Variants in TRIO observed in about 807,000 individuals in gnomAD.
The protein encoded by TRIO is triple functional domain protein.
In TRIO, 58 loss-of-function variants were observed where a neutral mutation model predicts 351.9. That is an observed-to-expected ratio of 0.16 (90% CI 0.13 to 0.21). TRIO has a LOEUF of 0.21. Ranked by LOEUF, TRIO falls within the 10% of genes least tolerant of loss-of-function variation. The pLI is 1.00. For synonymous variants in TRIO, 1,758 were observed against 1,595.7 expected (o/e 1.10, Z -2.42); for missense variants, 3,201 against 4,027.8 (o/e 0.79, Z 5.56).
intron 11 of TRIO, among the ~76,000 whole-genome samples, chr5:14,354,149 C>G (rs1276547281): frequency 1.3e-5 from 2 of 152,182 alleles, no homozygotes; most frequent in Admixed American, 1.3e-4. Context: ...GGGCCTGACC[C>G]CTACTGTCTG....
chr5:14,487,427 G>T (rs1756007893), intron 47 of TRIO, 37 bp from the exon 48 acceptor site: 2 of 1,097,246 alleles, frequency 1.8e-6, no homozygotes, highest in Non-Finnish European at 2.3e-6. Flanking sequence ...GCTCCTTGGC[G>T]CCCTGACCCA....
intron 1 of TRIO, among the ~76,000 whole-genome samples, chr5:14,241,896 C>G (rs531567256): frequency 1.3e-5 from 2 of 152,142 alleles, no homozygotes; most frequent in East Asian, 1.9e-4. Context: ...TGTAGCAGTT[C>G]AATACACTTG....
rs116679073 is a variant in TRIO at position 14,252,197 on chromosome 5, T to C, written c.158-18628T>C. Among the ~76,000 whole-genome samples, 1,305 of 152,350 alleles carry C rather than the reference T, an allele frequency of 8.6e-3. 14 individuals are homozygous for C. Among genetic ancestry groups the C allele is most frequent in the African/African-American group, 0.03 (1,228 of 41,572 alleles). ...AAGACTCTTTGCAGAGACTTCAGTA[T>C]GTCAAGGCCTTTGCTTTACGTGCCA... On this transcript the variant is annotated intron_variant, in intron 1 of 56. Transcript: ENST00000344204.
intron 33 of TRIO, among the ~76,000 whole-genome samples, chr5:14,408,447 T>A (rs1748908548): frequency 1.3e-5 from 2 of 152,164 alleles, no homozygotes; most frequent in Non-Finnish European, 2.9e-5. Flanking sequence ...TTCAAGGCCC[T>A]ATGTATTGGC....
At chr5:14,388,294 T>C (rs1746725426) in intron 23 of TRIO, among the ~76,000 whole-genome samples, 1 of 152,160 alleles carries the variant, frequency 6.6e-6, no homozygotes, top group South Asian at 2.1e-4. Flanking sequence ...GGGAGTGCTG[T>C]TGGCCTCTAG....
intron 1 of TRIO, among the ~76,000 whole-genome samples, chr5:14,180,139 A>C (rs2152136453): frequency 6.7e-6 from 1 of 148,998 alleles, no homozygotes; most frequent in East Asian, 1.9e-4. Context: ...GATTAACTGT[A>C]ATATAGATGT....
Position 14,367,391 on chromosome 5 carries a change from C to T in TRIO, c.2874+412C>T, listed in dbSNP as rs185193348. ...AAGCACATTTCTGCTATGTTACCAA[C>T]CTCAACCAAGCAGAGAGCTCAGCAA... On this transcript the variant is annotated intron_variant, in intron 16 of 56. Coordinates refer to ENST00000344204, the MANE Select transcript of TRIO (RefSeq NM_007118.4). Among the ~76,000 whole-genome samples, 129 of 152,284 alleles carry T rather than the reference C, an allele frequency of 8.5e-4. 1 individual carries two copies. Among genetic ancestry groups the T allele is most frequent in the South Asian group, 4.6e-3 (22 of 4,824 alleles).
intron 9 of TRIO, among the ~76,000 whole-genome samples, chr5:14,317,652 A>G (rs1055662824): frequency 6.6e-6 from 1 of 152,204 alleles, no homozygotes; most frequent in Non-Finnish European, 1.5e-5. Context: ...GTCATTCACC[A>G]TCATTCTCAT....
chr5:14,183,759 C>T (rs996815887), intron 1 of TRIO: 26 of 518,892 alleles, frequency 5.0e-5, no homozygotes, highest in Admixed American at 1.5e-4. Context: ...GGAAGGCATG[C>T]GGCCGCAGTT....
Position 14,291,189 on chromosome 5 carries a change from G to A in TRIO, c.1014G>A (p.Gln338=). The A allele has an allele frequency of 6.2e-7, 1 of 1,614,152 alleles. No homozygotes were observed. Among genetic ancestry groups the A allele is most frequent in the Non-Finnish European group, 8.5e-7 (1 of 1,180,012 alleles). Residue 338 remains glutamine (Q), a synonymous_variant, in exon 5 of 57, where the codon CAG becomes CAA. Transcript: ENST00000344204. ...ATGTGAGGAAGCTGAAGCTGGACCA[G>A]TGCTTCCAGCTGAGGCTGTTTGAAC... ...MWHVRKLKLD[Q]CFQLRLFEQD...
intron 5 of TRIO, among the ~76,000 whole-genome samples, chr5:14,291,715 T>C (rs927618121): frequency 2.1e-5 from 3 of 143,074 alleles, no homozygotes; most frequent in Non-Finnish European, 4.5e-5. Context: ...CTTGAACCCA[T>C]GAGGCAGAGG....
intron 1 of TRIO, among the ~76,000 whole-genome samples, chr5:14,216,095 T>C (rs1221831643): frequency 6.6e-6 from 1 of 152,220 alleles, no homozygotes; most frequent in Non-Finnish European, 1.5e-5. Flanking sequence ...CATGCAAAGC[T>C]TGGCTCACAG....
intron 31 of TRIO, among the ~76,000 whole-genome samples, chr5:14,401,559 G>T (rs1035423765): frequency 6.6e-6 from 1 of 152,150 alleles, no homozygotes; most frequent in Non-Finnish European, 1.5e-5. Flanking sequence ...AAAGAGGAAT[G>T]ATTATTAGTG....
At chr5:14,155,531 T>G (rs1788056074) in intron 1 of TRIO, among the ~76,000 whole-genome samples, 1 of 152,224 alleles carries the variant, frequency 6.6e-6, no homozygotes. Flanking sequence ...GTTTGTCGTA[T>G]CTCTTCAGTT....
chr5:14,286,421 G>C lies in TRIO; in HGVS notation c.348-450G>C, dbSNP rs1299036663. 6.6e-6 allele frequency among the ~76,000 whole-genome samples: 1 copy of C among 152,114 alleles called. No homozygotes were observed. Among genetic ancestry groups the C allele is most frequent in the Non-Finnish European group, 1.5e-5 (1 of 68,014 alleles). ...CACCTGGGGTGCTGGGAGTCCTGGG[G>C]TAACTGCCGTCCACAGGTCTCAGAC... is the stretch of plus-strand genomic sequence containing the variant. On this transcript the variant is annotated intron_variant, in intron 3 of 56. Coordinates refer to ENST00000344204, the MANE Select transcript of TRIO (RefSeq NM_007118.4). This position sits in a 1 kb window ranked among gnomAD's most constrained non-coding sequence, Gnocchi z 4.4.
chr5:14,363,914 G>T lies in TRIO; in HGVS notation c.2574G>T (p.Glu858Asp), dbSNP rs770599683. The T allele has an allele frequency of 2.5e-6, 4 of 1,613,746 alleles. No individual in the cohort carries two copies. In the South Asian group the frequency reaches 3.3e-5, roughly 13 times the overall value. The change falls in exon 14 of 57, where the codon GAG (glutamate) becomes GAT (aspartate). Residue 858 changes from glutamate (E) to aspartate (D), a missense_variant. Glu to Asp is a conservative substitution (Grantham distance 45). Around this residue, in one of 19 missense-constraint regions of TRIO, gnomAD observed 363 missense variants for 553.5 expected, o/e 0.66. Coordinates refer to ENST00000344204, the MANE Select transcript of TRIO (RefSeq NM_007118.4). ...AAGATCTTCTGCAGTATGTCAATGA[G>T]GTCCAGGCCTCTGGTAAGAGGGCTC... Reference protein sequence around the residue: ...QGQDLLQYVNEVQASGVELLC... With the variant: ...QGQDLLQYVNDVQASGVELLC...
At chr5:14,227,461 C>T (rs78635408) in intron 1 of TRIO, among the ~76,000 whole-genome samples, 1,725 of 152,282 alleles carry the variant, frequency 0.011, 24 homozygotes, top group African/African-American at 0.039. Context: ...GTCATACTGA[C>T]GATCAGTTTT....
chr5:14,211,335 G>A (rs1269597479), intron 1 of TRIO, among the ~76,000 whole-genome samples: 1 of 152,180 alleles, frequency 6.6e-6, no homozygotes, highest in Non-Finnish European at 1.5e-5. Context: ...ATATGAATGA[G>A]TAATTTAGAC....
intron 1 of TRIO, among the ~76,000 whole-genome samples, chr5:14,233,271 A>G (rs969219717): frequency 1.3e-5 from 2 of 148,194 alleles, no homozygotes; most frequent in African/African-American, 5.0e-5. Flanking sequence ...ACTTGAGCCC[A>G]GGAGTTCGAG....
Sources: gnomAD v4.1 joint callset for allele counts (sites outside exome capture counted in the v4.1 genomes callset) on GRCh38, gnomAD v4.1.1 for gene constraint, gnomAD v4.1.1 regional missense constraint, Gnocchi (gnomAD v3.1) non-coding constraint, MANE v1.5 for transcripts, NCBI Gene and HGNC (gene_info 2026-07-23, HGNC 2026-07-21) for gene names.